ANKRD30B: variants seen among roughly 807,000 people sequenced by gnomAD.
ANKRD30B encodes ankyrin repeat domain-containing protein 30B.
A neutral mutation model predicts 202.2 loss-of-function variants in ANKRD30B; 144 were observed. The ratio of observed to expected loss-of-function variants is 0.71; its 90% CI spans 0.62 to 0.82. The LOEUF is 0.82. Ranked by LOEUF, ANKRD30B falls within the 40% of genes least tolerant of loss-of-function variation. ANKRD30B has a pLI of 0.00. For synonymous variants in ANKRD30B, 508 were observed against 561.3 expected, an observed-to-expected ratio of 0.91 and a Z score of 1.34; for missense variants, 1,487 against 1,669.1, an observed-to-expected ratio of 0.89 and a Z score of 1.90.
At chr18:14,784,290 T>A in intron 12 of ANKRD30B, 46 bp from the exon 13 acceptor site, 1 of 1,584,660 alleles carries the variant, frequency 6.3e-7, no homozygotes. Flanking sequence ...CGGTTGGCTT[T>A]GTCATATTTA....
Position 14,797,800 on chromosome 18 carries a change from G to A in ANKRD30B, c.1975G>A (p.Val659Ile), listed in dbSNP as rs1969021120. ...GLLKPTCGRK[V>I]SLPNKALELK... Reference sequence around the variant, plus strand: ...CATTTAGCCTACCTGTGGAAGGAAAGTTTCTCTTCCAAATAAAGCCTTAGA... The same window carrying A: ...CATTTAGCCTACCTGTGGAAGGAAAATTTCTCTTCCAAATAAAGCCTTAGA... The change falls in exon 20 of 44, where the codon GTT becomes ATT. Residue 659 changes from valine (V) to isoleucine (I), a missense_variant. Val to Ile is a conservative substitution (Grantham distance 29). Around this residue, in one of 6 missense-constraint regions of ANKRD30B, gnomAD observed 889 missense variants for 841.4 expected, o/e 1.06. Coordinates refer to ENST00000690538, the MANE Select transcript of ANKRD30B (RefSeq NM_001367607.2). 3.2e-6 allele frequency: 5 copies of A among 1,556,648 alleles called. No individual in the cohort carries two copies. The highest frequency in any genetic ancestry group is 1.9e-5 in the Admixed American group (1 of 51,476).
At position 14,822,625 on chromosome 18, in the gene ANKRD30B, T is replaced by G; in HGVS notation, c.2691T>G (p.Ile897Met). ...TTTAGCCTACCTGTGGAATGAAAAT[T>G]TCTCTTCCAAATAAAGCCTTAGAAT... Reference protein sequence around the residue: ...GLLKPTCGMKISLPNKALELK... With the variant: ...GLLKPTCGMKMSLPNKALELK... Residue 897 changes from isoleucine to methionine, a missense_variant, in exon 32 of 44, where the codon ATT becomes ATG. Ile to Met is a conservative substitution (Grantham distance 10). Around this residue, in one of 6 missense-constraint regions of ANKRD30B, gnomAD observed 218 missense variants for 320.1 expected, o/e 0.68. Transcript: ENST00000690538. 1.4e-6 allele frequency: 2 copies of G among 1,465,814 alleles called. No individual in the cohort carries two copies. Among genetic ancestry groups the G allele is most frequent in the Non-Finnish European group, 1.8e-6 (2 of 1,087,472 alleles). 90.8% of individuals were successfully genotyped at this position (1,465,814 alleles called of 1,614,324 possible).
the ANKRD30B span, among the ~76,000 whole-genome samples, chr18:14,918,465 T>C: frequency 6.9e-4 from 105 of 152,280 alleles, no homozygotes; most frequent in Admixed American, 1.2e-3. Context: ...CACAGAAGAA[T>C]AGGCATAAGA....
chr18:14,840,024 G>A lies in ANKRD30B; in HGVS notation c.2989-564G>A, dbSNP rs577473399. ...TATGCACGAGTGAATTTTTTTGTGAGTATGATTTATTTTCCTTGCTCAGTA... is the reference window on the plus strand; with the variant it reads ...TATGCACGAGTGAATTTTTTTGTGAATATGATTTATTTTCCTTGCTCAGTA... On this transcript the variant is annotated intron_variant, in intron 36 of 43. Transcript: ENST00000690538. 5.3e-5 allele frequency among the ~76,000 whole-genome samples: 8 copies of A among 152,208 alleles called. No homozygotes were observed. In the East Asian group the frequency reaches 1.5e-3, roughly 29 times the overall value.
At chr18:14,880,473 A>G in the ANKRD30B span, among the ~76,000 whole-genome samples, 1 of 151,752 alleles carries the variant, frequency 6.6e-6, no homozygotes, top group Non-Finnish European at 1.5e-5. Context: ...CTTTAACAGA[A>G]TGGTAATTTT....
chr18:14,931,411 G>A, the ANKRD30B span, among the ~76,000 whole-genome samples: 1 of 152,174 alleles, frequency 6.6e-6, no homozygotes, highest in Non-Finnish European at 1.5e-5. Context: ...CCCAGCATCT[G>A]GTAACCCCTT....
chr18:14,828,363 A>G, intron 33 of ANKRD30B, 55 bp downstream of exon 33: 3 of 1,215,258 alleles, frequency 2.5e-6, no homozygotes, highest in Non-Finnish European at 3.5e-6. Context: ...ATATAGAGAA[A>G]AGAAATCACT....
chr18:14,899,348 T>C, the ANKRD30B span, among the ~76,000 whole-genome samples: 1 of 152,062 alleles, frequency 6.6e-6, no homozygotes, highest in Non-Finnish European at 1.5e-5. Flanking sequence ...GAATTAAAAG[T>C]TAGTTAAATA....
At position 14,789,472 on chromosome 18, in the gene ANKRD30B, A is replaced by C. The variant is rs1386062621; in HGVS notation, c.1735-1929A>C. Among the ~76,000 whole-genome samples, 3 of 152,212 alleles carry C rather than the reference A, an allele frequency of 2.0e-5. No individual in the cohort carries two copies. In the South Asian group the frequency reaches 6.2e-4, roughly 32 times the overall value. On this transcript the variant is annotated intron_variant, in intron 15 of 43. Coordinates refer to ENST00000690538, the MANE Select transcript of ANKRD30B (RefSeq NM_001367607.2). ...AGACATGAAGTCCTTGCCCATGCCT[A>C]TGTCCTGAATGGTAATGCCTAGGTT...
the ANKRD30B span, among the ~76,000 whole-genome samples, chr18:14,925,836 T>A: frequency 6.6e-6 from 1 of 152,090 alleles, no homozygotes; most frequent in Non-Finnish European, 1.5e-5. Context: ...AAGAGGAGCC[T>A]GGAACTGACC....
intron 1 of ANKRD30B, 33 bp from the exon 2 acceptor site, chr18:14,752,533 A>G: frequency 6.5e-7 from 1 of 1,545,510 alleles, no homozygotes; most frequent in Non-Finnish European, 8.9e-7. Flanking sequence ...ACAGTGGGCT[A>G]TACTTTGCCT....
At chr18:14,912,484 A>G in the ANKRD30B span, among the ~76,000 whole-genome samples, 2 of 152,096 alleles carry the variant, frequency 1.3e-5, no homozygotes, top group African/African-American at 2.4e-5. Context: ...ATCATGGTGT[A>G]TTATCTTTTT....
chr18:14,912,840 G>A, the ANKRD30B span, among the ~76,000 whole-genome samples: 1 of 152,298 alleles, frequency 6.6e-6, no homozygotes, highest in Non-Finnish European at 1.5e-5. Context: ...CTGATCTCAG[G>A]ATGTTGTGTG....
chr18:14,924,772 G>A, the ANKRD30B span, among the ~76,000 whole-genome samples: 1 of 152,252 alleles, frequency 6.6e-6, no homozygotes, highest in Admixed American at 6.5e-5. Context: ...AACACAGAGG[G>A]ATCGGGGGAA....
chr18:14,778,964 A>ATACTAC (rs1203787607), intron 10 of ANKRD30B, among the ~76,000 whole-genome samples: 2 of 152,202 alleles, frequency 1.3e-5, no homozygotes, highest in East Asian at 3.9e-4. Context: ...CAGATGTCAG[A>ATACTAC]TACTACCCCT....
intron 7 of ANKRD30B, among the ~76,000 whole-genome samples, chr18:14,766,545 C>G (rs1034242040): frequency 2.1e-5 from 3 of 145,460 alleles, no homozygotes; most frequent in African/African-American, 7.6e-5. Context: ...CAGAGAAGTG[C>G]AAATAGTCAT....
intron 20 of ANKRD30B, among the ~76,000 whole-genome samples, chr18:14,798,290 A>T (rs71364874): frequency 3.3e-5 from 5 of 152,184 alleles, no homozygotes; most frequent in East Asian, 1.9e-4. Context: ...TCATTTGATT[A>T]TGAGGTGAGA....
At chr18:14,894,783 T>C in the ANKRD30B span, among the ~76,000 whole-genome samples, 1 of 151,380 alleles carries the variant, frequency 6.6e-6, no homozygotes, top group Admixed American at 6.6e-5. Context: ...ATTCCATTCA[T>C]TTTACGTCAC....
chr18:14,905,080 G>A, the ANKRD30B span, among the ~76,000 whole-genome samples: 1 of 152,122 alleles, frequency 6.6e-6, no homozygotes, highest in Non-Finnish European at 1.5e-5. Context: ...ACTCCCACTA[G>A]CACCAGGACA....
Sources: gnomAD v4.1 joint callset for allele counts (sites outside exome capture counted in the v4.1 genomes callset) on GRCh38, gnomAD v4.1.1 for gene constraint, gnomAD v4.1.1 regional missense constraint, MANE v1.5 for transcripts, NCBI Gene and HGNC (gene_info 2026-07-23, HGNC 2026-07-21) for gene names.